The following RSBN1L variants were observed in gnomAD, a reference collection of about 807,000 sequenced individuals.
RSBN1L encodes the protein lysine-specific demethylase RSBN1L.
RSBN1L carries 30 observed loss-of-function variants against 67.7 expected under a neutral mutation model. The ratio of observed to expected loss-of-function variants is 0.44; its 90% CI spans 0.33 to 0.60. The LOEUF (loss-of-function observed/expected upper bound fraction) is 0.60, where lower values mean the gene tolerates loss of function less well. RSBN1L is among the 20% of genes least tolerant of loss of function. The pLI is 0.02. For missense variants in RSBN1L, 992 were observed against 1,031.7 expected (o/e 0.96, Z 0.53); for synonymous variants, 433 against 387.0 (o/e 1.12, Z -1.39).
intron 3 of RSBN1L, among the ~76,000 whole-genome samples, chr7:77,760,440 A>C (rs1791684635): frequency 6.6e-6 from 1 of 152,060 alleles, no homozygotes; most frequent in African/African-American, 2.4e-5. Context: ...ATTTAGATTA[A>C]ATATGTTATA....
In RSBN1L at chr7:77,717,454, G is replaced by A. The variant is rs1300514568; in HGVS notation, c.587-18956G>A. 3.3e-5 allele frequency among the ~76,000 whole-genome samples: 5 copies of A among 152,136 alleles called. 1 individual carries two copies. In the South Asian group the frequency reaches 8.3e-4, roughly 25 times the overall value. On this transcript the variant is annotated intron_variant, in intron 1 of 7. Transcript: ENST00000334955. The stretch of plus-strand genomic sequence containing the variant: ...TATAACAGTGAGAAGCTATACAATT[G>A]TAATCAGAAACAGAATGAATTATAG...
chr7:77,779,650 C>T lies in RSBN1L; in HGVS notation c.*482C>T, dbSNP rs1273622523. ...GCCACTTAATAAAGGTTCATATGTT[C>T]ATATTAATAAATATGTTTTCTGTTG... On this transcript the variant is annotated 3_prime_UTR_variant, in exon 8 of 8. Coordinates refer to ENST00000334955, the MANE Select transcript of RSBN1L (RefSeq NM_198467.3). 1 of 151,618 alleles carries T rather than the reference C, an allele frequency of 6.6e-6. No individual in the cohort carries two copies. Among genetic ancestry groups the T allele is most frequent in the African/African-American group, 2.4e-5 (1 of 41,212 alleles). The allele number at this position is 151,618 out of a possible 1,614,324, so 9.4% of individuals were successfully genotyped here.
intron 4 of RSBN1L, among the ~76,000 whole-genome samples, chr7:77,767,219 C>T (rs970964334): frequency 1.3e-5 from 2 of 151,930 alleles, no homozygotes; most frequent in African/African-American, 4.8e-5. Context: ...GTGAGCCACC[C>T]ACACCCAACC....
At chr7:77,776,993 C>A (rs190220901) in intron 6 of RSBN1L, among the ~76,000 whole-genome samples, 5 of 150,330 alleles carry the variant, frequency 3.3e-5, no homozygotes, top group African/African-American at 1.2e-4. Flanking sequence ...TTCCCCTTTT[C>A]TTGTCATTTT....
At chr7:77,723,661 C>G (rs1257020438) in intron 1 of RSBN1L, among the ~76,000 whole-genome samples, 1 of 151,894 alleles carries the variant, frequency 6.6e-6, no homozygotes, top group African/African-American at 2.4e-5. Flanking sequence ...TTTGGCTGGG[C>G]GTGGTGGCTC....
intron 1 of RSBN1L, among the ~76,000 whole-genome samples, chr7:77,718,143 ATATTCATGGCAGC>A (rs1791072091): frequency 6.6e-6 from 1 of 152,198 alleles, no homozygotes; most frequent in Non-Finnish European, 1.5e-5. Context: ...ATATGAACTA[ATATTCATGGCAGC>A]TAGATAGGAA....
chr7:77,770,630 A>G (rs893409565), intron 5 of RSBN1L, among the ~76,000 whole-genome samples: 6 of 151,504 alleles, frequency 4.0e-5, no homozygotes, highest in Non-Finnish European at 7.4e-5. Flanking sequence ...GCAGTAAGCT[A>G]TGAGTACATC....
intron 2 of RSBN1L, among the ~76,000 whole-genome samples, chr7:77,745,447 T>G (rs10240081): frequency 4.6e-5 from 7 of 152,166 alleles, no homozygotes; most frequent in African/African-American, 1.7e-4. Context: ...TAAATTAATA[T>G]AAAGGTTATT....
intron 1 of RSBN1L, among the ~76,000 whole-genome samples, chr7:77,709,001 C>G (rs565485576): frequency 6.6e-6 from 1 of 152,202 alleles, no homozygotes; most frequent in East Asian, 1.9e-4. Flanking sequence ...ATAAGCATAT[C>G]ACTGAAGAAT....
intron 5 of RSBN1L, among the ~76,000 whole-genome samples, chr7:77,771,455 C>T (rs1267312836): frequency 6.6e-6 from 1 of 150,960 alleles, no homozygotes; most frequent in Non-Finnish European, 1.5e-5. Context: ...TAAAATTTTA[C>T]AGGTTAATTT....
chr7:77,776,656 A>G (rs983754954), intron 6 of RSBN1L, among the ~76,000 whole-genome samples: 1 of 152,124 alleles, frequency 6.6e-6, no homozygotes, highest in Non-Finnish European at 1.5e-5. Flanking sequence ...CCCTTTTTTC[A>G]TTATAAAGTG....
chr7:77,741,867 A>G (rs569383441), intron 2 of RSBN1L, among the ~76,000 whole-genome samples: 1 of 152,154 alleles, frequency 6.6e-6, no homozygotes, highest in East Asian at 1.9e-4. Flanking sequence ...GAGAGATTAC[A>G]TAAAGCTCTT....
At chr7:77,732,283 G>A (rs1015402204) in intron 1 of RSBN1L, among the ~76,000 whole-genome samples, 2 of 152,082 alleles carry the variant, frequency 1.3e-5, no homozygotes, top group African/African-American at 4.8e-5. Context: ...GTGATGCCAC[G>A]GCACTGTTTT....
chr7:77,757,855 T>A (rs1791640302), intron 3 of RSBN1L, among the ~76,000 whole-genome samples: 1 of 152,194 alleles, frequency 6.6e-6, no homozygotes, highest in African/African-American at 2.4e-5. Context: ...GTGTACAAGC[T>A]TCTGCTTGTG....
intron 3 of RSBN1L, among the ~76,000 whole-genome samples, chr7:77,764,284 C>T (rs886810892): frequency 6.6e-6 from 1 of 152,154 alleles, no homozygotes; most frequent in Non-Finnish European, 1.5e-5. Context: ...GTTATCAAAA[C>T]GAGTTGTTTC....
chr7:77,722,660 T>C (rs1791135028), intron 1 of RSBN1L, among the ~76,000 whole-genome samples: 1 of 152,102 alleles, frequency 6.6e-6, no homozygotes, highest in African/African-American at 2.4e-5. Context: ...GTAATGTAAC[T>C]GCTTTTCCTT....
chr7:77,759,250 C>G (rs1791664675), intron 3 of RSBN1L, among the ~76,000 whole-genome samples: 1 of 152,028 alleles, frequency 6.6e-6, no homozygotes, highest in South Asian at 2.1e-4. Flanking sequence ...TTGTGCCTGC[C>G]CCATGCTCCC....
At chr7:77,708,383 C>CTTT (rs1305695156) in intron 1 of RSBN1L, among the ~76,000 whole-genome samples, 1 of 112,888 alleles carries the variant, frequency 8.9e-6, no homozygotes, top group Admixed American at 8.7e-5. Flanking sequence ...CAGGATGAGA[C>CTTT]TATTTTTTTT....
chr7:77,769,189 C>G (rs1344621611), intron 5 of RSBN1L, among the ~76,000 whole-genome samples: 1 of 152,160 alleles, frequency 6.6e-6, no homozygotes, highest in Non-Finnish European at 1.5e-5. Flanking sequence ...TTAAAATTTT[C>G]TGCATTTCAA....
Sources: gnomAD v4.1 joint callset for allele counts (sites outside exome capture counted in the v4.1 genomes callset) on GRCh38, gnomAD v4.1.1 for gene constraint, MANE v1.5 for transcripts, NCBI Gene and HGNC (gene_info 2026-07-23, HGNC 2026-07-21) for gene names.